PATJ: variants seen among roughly 807,000 people sequenced by gnomAD.
The protein encoded by PATJ is PATJ crumbs cell polarity complex component.
A neutral mutation model predicts 224.9 loss-of-function variants in PATJ; 190 were observed. The observed-to-expected ratio is 0.84, with a 90% CI of 0.75 to 0.95. The LOEUF is 0.95. PATJ is among the 40% of genes least tolerant of loss of function. The pLI, the probability that PATJ is intolerant of heterozygous loss-of-function variation, is 0.00. For synonymous variants in PATJ, 769 were observed against 820.3 expected (o/e 0.94, Z 1.07); for missense variants, 2,121 against 2,270.3 (o/e 0.93, Z 1.34).
intron 18 of PATJ, among the ~76,000 whole-genome samples, chr1:61,857,872 A>G (rs1376829907): frequency 1.3e-5 from 2 of 152,194 alleles, no homozygotes; most frequent in African/African-American, 4.8e-5. Flanking sequence ...TTCATCTTTG[A>G]AAAGACTGAA....
intron 38 of PATJ, among the ~76,000 whole-genome samples, chr1:62,122,089 GC>G (rs2148919156): frequency 6.6e-6 from 1 of 152,176 alleles, no homozygotes; most frequent in South Asian, 2.1e-4. Flanking sequence ...ACTCAGCCGG[GC>G]CCGGTGGCTC....
intron 31 of PATJ, among the ~76,000 whole-genome samples, chr1:62,052,104 C>CT (rs889242123): frequency 6.6e-6 from 1 of 152,092 alleles, no homozygotes; most frequent in South Asian, 2.1e-4. Context: ...GAAATGTAGG[C>CT]TTTTTTCCCC....
chr1:61,777,259 C>T (rs1042527615), intron 7 of PATJ, among the ~76,000 whole-genome samples: 2 of 151,934 alleles, frequency 1.3e-5, no homozygotes, highest in African/African-American at 4.8e-5. Flanking sequence ...ATGACATTTC[C>T]CTAATACTTA....
chr1:61,813,374 T>TACACAC (rs1655332671), intron 14 of PATJ, among the ~76,000 whole-genome samples: 1 of 71,964 alleles, frequency 1.4e-5, no homozygotes, highest in African/African-American at 8.1e-5. Context: ...TATATATATA[T>TACACAC]ATATACACAC....
At chr1:62,103,673 G>C (rs1472478210) in intron 33 of PATJ, among the ~76,000 whole-genome samples, 1 of 151,600 alleles carries the variant, frequency 6.6e-6, no homozygotes, top group East Asian at 1.9e-4. Context: ...AGAATCACTT[G>C]AATCTGGGAG....
At chr1:61,846,781 T>C (rs759324942) in intron 17 of PATJ, among the ~76,000 whole-genome samples, 3 of 152,182 alleles carry the variant, frequency 2.0e-5, no homozygotes, top group African/African-American at 4.8e-5. Context: ...GTATTTTTAG[T>C]AGAGACGGGT....
intron 19 of PATJ, among the ~76,000 whole-genome samples, chr1:61,862,151 T>C (rs1664708353): frequency 6.6e-6 from 1 of 151,490 alleles, no homozygotes; most frequent in African/African-American, 2.4e-5. Flanking sequence ...GTGTGAGCCA[T>C]TGTGCCTGGC....
chr1:62,140,782 G>A (rs780840676), intron 41 of PATJ, among the ~76,000 whole-genome samples: 5 of 151,774 alleles, frequency 3.3e-5, no homozygotes, highest in Admixed American at 6.6e-5. Context: ...GGTGGTTCAC[G>A]CCTGTATTCC....
chr1:61,879,668 T>C (rs1488836425), intron 21 of PATJ, among the ~76,000 whole-genome samples: 2 of 151,984 alleles, frequency 1.3e-5, no homozygotes, highest in African/African-American at 4.8e-5. Context: ...GCTTGGTATA[T>C]TGCTAAGCAA....
intron 31 of PATJ, among the ~76,000 whole-genome samples, chr1:62,075,094 T>C (rs1658078962): frequency 6.6e-6 from 1 of 152,254 alleles, no homozygotes; most frequent in Non-Finnish European, 1.5e-5. Flanking sequence ...ACATTCTTCT[T>C]CTTGCAGAAC....
intron 24 of PATJ, among the ~76,000 whole-genome samples, chr1:61,905,494 C>A (rs969413993): frequency 6.6e-6 from 1 of 152,158 alleles, no homozygotes; most frequent in African/African-American, 2.4e-5. Context: ...AATCATTCAC[C>A]CATTGAAAGA....
chr1:61,772,536 A>G (rs916904512), intron 6 of PATJ, among the ~76,000 whole-genome samples: 7 of 152,194 alleles, frequency 4.6e-5, no homozygotes, highest in Non-Finnish European at 7.3e-5. Context: ...ACTAAGTGCT[A>G]GCTGATTTAT....
At chr1:61,949,414 C>CCAT (rs34849424) in intron 27 of PATJ, among the ~76,000 whole-genome samples, 6,566 of 151,988 alleles carry the variant, frequency 0.043, 521 homozygotes, top group African/African-American at 0.15. Flanking sequence ...TTGCACAACT[C>CCAT]CAATATACTA....
At chr1:61,766,516 C>T in intron 4 of PATJ, 43 bp downstream of exon 4, 1 of 1,392,716 alleles carries the variant, frequency 7.2e-7, no homozygotes, top group Non-Finnish European at 9.8e-7. Context: ...CTTCATTTCT[C>T]CTGTTTTAGT....
At chr1:62,102,915 G>T (rs1453215142) in intron 33 of PATJ, among the ~76,000 whole-genome samples, 1 of 149,186 alleles carries the variant, frequency 6.7e-6, no homozygotes, top group African/African-American at 2.5e-5. Flanking sequence ...CTCTGTTGGA[G>T]ATTGGGAGGG....
chr1:61,806,950 G>A (rs1259581856), intron 13 of PATJ, among the ~76,000 whole-genome samples: 1 of 151,950 alleles, frequency 6.6e-6, no homozygotes, highest in Non-Finnish European at 1.5e-5. Flanking sequence ...TCGGGAGTCT[G>A]AGACCAGCCT....
chr1:62,151,686 C>T (rs1668654625), intron 42 of PATJ, among the ~76,000 whole-genome samples: 1 of 152,158 alleles, frequency 6.6e-6, no homozygotes, highest in Non-Finnish European at 1.5e-5. Context: ...TTGCTTGTGT[C>T]CCCATTTTGC....
chr1:61,814,311 T>G (rs1186834645), intron 14 of PATJ, among the ~76,000 whole-genome samples: 2 of 151,874 alleles, frequency 1.3e-5, no homozygotes, highest in South Asian at 4.1e-4. Context: ...GCCCAGCTAA[T>G]TTTTGTATTT....
intron 33 of PATJ, among the ~76,000 whole-genome samples, chr1:62,101,295 G>C (rs61777691): frequency 7.5e-6 from 1 of 134,116 alleles, no homozygotes; most frequent in Admixed American, 8.2e-5. Flanking sequence ...ACAGAGTCTC[G>C]CTCTGTCACC....
Sources: gnomAD v4.1 joint callset for allele counts (sites outside exome capture counted in the v4.1 genomes callset) on GRCh38, gnomAD v4.1.1 for gene constraint, MANE v1.5 for transcripts, NCBI Gene and HGNC (gene_info 2026-07-23, HGNC 2026-07-21) for gene names.